ZNF493: variants seen among roughly 807,000 people sequenced by gnomAD.
ZNF493 encodes zinc finger protein 493.
A neutral mutation model predicts 12.2 loss-of-function variants in ZNF493; 11 were observed. That is an observed-to-expected ratio of 0.90 (90% CI 0.57 to 1.50). ZNF493 has a LOEUF of 1.50. ZNF493 is among the 40% of genes most tolerant of loss of function. The pLI, the probability that ZNF493 is intolerant of heterozygous loss-of-function variation, is 0.00. For missense variants in ZNF493, 950 were observed against 906.6 expected (o/e 1.05, Z -0.61); for synonymous variants, 286 against 302.6 (o/e 0.95, Z 0.57).
At chr19:21,421,928 C>T (rs1432251688) in intron 3 of ZNF493, among the ~76,000 whole-genome samples, 1 of 151,826 alleles carries the variant, frequency 6.6e-6, no homozygotes, top group African/African-American at 2.4e-5. Context: ...TCACTGCAAC[C>T]TCCGCCTCCC....
At chr19:21,421,179 C>T (rs1038273440) in intron 3 of ZNF493, among the ~76,000 whole-genome samples, 2 of 151,514 alleles carry the variant, frequency 1.3e-5, no homozygotes, top group East Asian at 3.9e-4. Flanking sequence ...TTTATTTTTA[C>T]ATCATTTTTC....
chr19:21,414,227 T>A (rs528016241), intron 3 of ZNF493: 1 of 152,318 alleles, frequency 6.6e-6, no homozygotes, highest in Admixed American at 6.5e-5. Context: ...GTCTCCCAAA[T>A]GAGGGAACAT....
chr19:21,405,529 T>C (rs2030093320), intron 2 of ZNF493: 8 of 1,320,296 alleles, frequency 6.1e-6, no homozygotes, highest in South Asian at 2.0e-5. Context: ...GTTGTCCATA[T>C]GTTAAAATCT....
In ZNF493 at chr19:21,426,167, CAT is replaced by C. The variant is rs1469017544; in HGVS notation, c.*1186_*1187del. 7 of 234,392 alleles carry C rather than the reference CAT, an allele frequency of 3.0e-5. No individual in the cohort carries two copies. The East Asian group carries it at 7.7e-4, about 26-fold the overall frequency. The allele number at this position is 234,392 out of a possible 1,614,324, so 14.5% of individuals were successfully genotyped here. ...AAACTTTTCTAATCATAAAAGAAAT[CAT>C]ATTGGTGAGAAATCCTAGAAATGTG... On this transcript the variant is annotated 3_prime_UTR_variant, in exon 4 of 4. Transcript: ENST00000392288.
chr19:21,410,168 C>T (rs1291937808), intron 3 of ZNF493, among the ~76,000 whole-genome samples: 3 of 150,628 alleles, frequency 2.0e-5, no homozygotes, highest in African/African-American at 7.3e-5. Flanking sequence ...AATACGGGTA[C>T]AATAAACATG....
chr19:21,397,231 A>G lies in ZNF493; in HGVS notation c.-7A>G. 3 of 1,614,176 alleles carry G rather than the reference A, an allele frequency of 1.9e-6. No homozygotes were observed. The highest frequency in any genetic ancestry group is 2.5e-6 in the Non-Finnish European group (3 of 1,180,020). On this transcript the variant is annotated 5_prime_UTR_variant, in exon 1 of 4. In the 5' UTR this introduces an upstream ATG that the reference lacks. Coordinates refer to ENST00000392288, the MANE Select transcript of ZNF493 (RefSeq NM_001076678.3). ...GACCTGAAGATACTGGGAAATCCAT[A>G]GCTAAGATGCCAGGACCCCCTGAAA... is the stretch of plus-strand genomic sequence containing the variant.
intron 3 of ZNF493, among the ~76,000 whole-genome samples, chr19:21,421,641 G>A (rs1240829663): frequency 1.3e-5 from 2 of 152,110 alleles, no homozygotes; most frequent in Non-Finnish European, 2.9e-5. Flanking sequence ...TGGGATTACA[G>A]GTGTGAGCTA....
At chr19:21,400,850 TTC>T (rs2029917412) in intron 1 of ZNF493, among the ~76,000 whole-genome samples, 1 of 152,192 alleles carries the variant, frequency 6.6e-6, no homozygotes, top group African/African-American at 2.4e-5. Context: ...TAAAGAGCTT[TTC>T]TACTGAGACT....
At chr19:21,408,760 T>A in intron 3 of ZNF493, 7 of 984,704 alleles carry the variant, frequency 7.1e-6, no homozygotes, top group Non-Finnish European at 8.4e-6. Context: ...TTTATGTCAA[T>A]GTGAGGTTGA....
intron 3 of ZNF493, 63 bp from the exon 4 acceptor site, chr19:21,422,850 T>A (rs1253745932): frequency 7.2e-7 from 1 of 1,390,114 alleles, no homozygotes; most frequent in East Asian, 2.3e-5. Flanking sequence ...ATAGTTTAGA[T>A]TTGTAATCTA....
Position 21,424,665 on chromosome 19 carries a change from T to G in ZNF493, c.2006T>G (p.Phe669Cys). Reference protein sequence around the residue: ...CEECGKAFSIFSTLTKHKIIH... With the variant: ...CEECGKAFSICSTLTKHKIIH... Reference sequence around the variant, plus strand: ...GAATGTGGCAAAGCCTTTAGTATATTCTCAACCCTTACTAAACATAAGATA... The same window carrying G: ...GAATGTGGCAAAGCCTTTAGTATATGCTCAACCCTTACTAAACATAAGATA... Residue 669 changes from phenylalanine (F) to cysteine (C), a missense_variant, in exon 4 of 4, where the codon TTC (phenylalanine) becomes TGC (cysteine). Transcript: ENST00000392288. 2 of 1,612,498 alleles carry G rather than the reference T, an allele frequency of 1.2e-6. No homozygotes were observed. The highest frequency in any genetic ancestry group is 1.3e-5 in the African/African-American group (1 of 74,608).
At chr19:21,414,335 T>C (rs532040186) in intron 3 of ZNF493, 1 of 152,378 alleles carries the variant, frequency 6.6e-6, no homozygotes, top group African/African-American at 2.4e-5. Flanking sequence ...AAGTTGGGCA[T>C]TGCTGGATAA....
intron 1 of ZNF493, among the ~76,000 whole-genome samples, chr19:21,400,273 G>C (rs2029896430): frequency 6.6e-6 from 1 of 152,052 alleles, no homozygotes; most frequent in South Asian, 2.1e-4. Context: ...AGCTGGGCAT[G>C]GTGGCACGCA....
At chr19:21,418,102 G>A (rs1443954992) in intron 3 of ZNF493, among the ~76,000 whole-genome samples, 13 of 152,244 alleles carry the variant, frequency 8.5e-5, no homozygotes, top group East Asian at 1.9e-4. Context: ...GCAGTTGCTC[G>A]AGGCACTGCT....
chr19:21,407,041 T>G (rs1437375130), intron 3 of ZNF493, among the ~76,000 whole-genome samples: 3 of 151,962 alleles, frequency 2.0e-5, no homozygotes, highest in African/African-American at 7.2e-5. Context: ...ATTATTTTAA[T>G]TATATTTTTA....
Position 21,424,826 on chromosome 19 carries a change from A to T in ZNF493, c.2167A>T (p.Asn723Tyr). 6.2e-7 allele frequency: 1 copy of T among 1,613,202 alleles called. No homozygotes were observed. Among genetic ancestry groups the T allele is most frequent in the Non-Finnish European group, 8.5e-7 (1 of 1,179,632 alleles). ...ATGTGAAGAATGTGGCAAAGCTTTT[A>T]ACCATTCCTCAAACCTTATTAAACA... The part of the protein sequence containing the change: ...CKCEECGKAF[N>Y]HSSNLIKHKL... Residue 723 changes from asparagine to tyrosine, a missense_variant, in exon 4 of 4, where the codon AAC becomes TAC. Transcript: ENST00000392288.
intron 3 of ZNF493, among the ~76,000 whole-genome samples, chr19:21,411,584 G>A (rs1237280873): frequency 6.6e-6 from 1 of 151,898 alleles, no homozygotes; most frequent in Non-Finnish European, 1.5e-5. Context: ...GCAGGGTGTG[G>A]TGGCGTGCGC....
In ZNF493 at chr19:21,420,655, T is replaced by TTTTTTTTTC. The variant is rs766934918; in HGVS notation, c.254-2258_254-2257insTTTTTTTTC. On this transcript the variant is annotated intron_variant, in intron 3 of 3. Transcript: ENST00000392288. ...TTTTTTTTTTTTTTTTTTTTTTTTTTCAGAACTTTGACTATATCACACAAT... is the reference window on the plus strand; with the variant it reads ...TTTTTTTTTTTTTTTTTTTTTTTTTTTTTTTTTTCCAGAACTTTGACTATATCACACAAT... Among the ~76,000 whole-genome samples the TTTTTTTTTC allele has an allele frequency of 6.4e-5, 3 of 46,512 alleles. 1 individual carries two copies. Among genetic ancestry groups the TTTTTTTTTC allele is most frequent in the Non-Finnish European group, 1.1e-4 (3 of 26,594 alleles). The allele number at this position is 46,512 out of a possible 152,430, so 30.5% of individuals were successfully genotyped here.
intron 3 of ZNF493, among the ~76,000 whole-genome samples, chr19:21,417,365 C>T (rs555526540): frequency 2.8e-4 from 42 of 152,212 alleles, no homozygotes; most frequent in African/African-American, 9.6e-4. Flanking sequence ...AGATTACCTC[C>T]AATACCATCA....
Sources: gnomAD v4.1 joint callset for allele counts (sites outside exome capture counted in the v4.1 genomes callset) on GRCh38, gnomAD v4.1.1 for gene constraint, MANE v1.5 for transcripts, NCBI Gene and HGNC (gene_info 2026-07-23, HGNC 2026-07-21) for gene names.